ARHGAP44: variants seen among roughly 807,000 people sequenced by gnomAD.
The protein encoded by ARHGAP44 is rho GTPase-activating protein 44.
Under a neutral mutation model 106.8 loss-of-function variants are expected in ARHGAP44, and 43 were observed. That is an observed-to-expected ratio of 0.40 (90% CI 0.32 to 0.52). The LOEUF (loss-of-function observed/expected upper bound fraction) is 0.52, where lower values mean the gene tolerates loss of function less well. Ranked by LOEUF, ARHGAP44 falls within the 20% of genes least tolerant of loss-of-function variation. The pLI is 0.48. For missense variants in ARHGAP44, 866 were observed against 1,050.5 expected, an observed-to-expected ratio of 0.82 and a Z score of 2.43; for synonymous variants, 439 against 410.3, an observed-to-expected ratio of 1.07 and a Z score of -0.85.
At chr17:12,912,726 A>C (rs544306880) in intron 4 of ARHGAP44, among the ~76,000 whole-genome samples, 3 of 152,352 alleles carry the variant, frequency 2.0e-5, no homozygotes, top group Admixed American at 6.5e-5. Flanking sequence ...ACTGAGCAAA[A>C]GCAGCAATGG....
At chr17:12,900,846 G>A (rs1273924351) in intron 3 of ARHGAP44, among the ~76,000 whole-genome samples, 1 of 151,620 alleles carries the variant, frequency 6.6e-6, no homozygotes, top group African/African-American at 2.4e-5. Context: ...GCACCAAAAG[G>A]GGTAAACACA....
At chr17:12,878,276 T>G (rs1292763641) in intron 1 of ARHGAP44, among the ~76,000 whole-genome samples, 1 of 152,072 alleles carries the variant, frequency 6.6e-6, no homozygotes, top group Non-Finnish European at 1.5e-5. Context: ...TGGAACAAAT[T>G]TTGGGAAACG....
chr17:12,943,156 C>T (rs975220574), intron 8 of ARHGAP44, among the ~76,000 whole-genome samples: 1 of 152,212 alleles, frequency 6.6e-6, no homozygotes, highest in African/African-American at 2.4e-5. Context: ...ATCCTCCAGC[C>T]TCAGTCTCCT....
chr17:12,966,908 A>T (rs11078102), intron 16 of ARHGAP44, among the ~76,000 whole-genome samples: 15,639 of 152,230 alleles, frequency 0.1, 913 homozygotes, highest in South Asian at 0.2. Flanking sequence ...TGCTAACCCC[A>T]GACAACTCAG....
chr17:12,956,863 A>G (rs2039139883), intron 15 of ARHGAP44, 117 bp downstream of exon 15: 3 of 684,752 alleles, frequency 4.4e-6, no homozygotes, highest in South Asian at 3.4e-5. Flanking sequence ...TGATTCCCCT[A>G]TAAACACACA....
Position 12,903,837 on chromosome 17 carries a change from G to T in ARHGAP44, c.199-5060G>T, listed in dbSNP as rs1052070985. Among the ~76,000 whole-genome samples the T allele has an allele frequency of 3.7e-4, 56 of 152,090 alleles. 1 individual carries two copies. The highest frequency in any genetic ancestry group is 1.2e-3 in the African/African-American group (50 of 41,416). On this transcript the variant is annotated intron_variant, in intron 3 of 20. Transcript: ENST00000379672. ...GGATATCATTATACTTGAAATGGGG[G>T]CGACCAAAGTTTGAGGGAGAGAGCA...
At chr17:12,883,834 A>T (rs889125709) in intron 1 of ARHGAP44, among the ~76,000 whole-genome samples, 8 of 152,224 alleles carry the variant, frequency 5.3e-5, no homozygotes. Context: ...TATCCTTTTC[A>T]AATCCTCTAT....
intron 1 of ARHGAP44, among the ~76,000 whole-genome samples, chr17:12,880,687 C>A (rs1340091360): frequency 2.3e-5 from 1 of 42,652 alleles, no homozygotes; most frequent in Non-Finnish European, 7.8e-5. Context: ...GTAGTGAAAT[C>A]AACTAGTGGT....
rs779111120 is a variant in ARHGAP44, at chr17:12,984,875, G to C, written c.2284G>C (p.Asp762His). 6.8e-6 allele frequency: 11 copies of C among 1,613,550 alleles called. No individual in the cohort carries two copies. The Admixed American group carries it at 1.8e-4, about 27-fold the overall frequency. The stretch of plus-strand genomic sequence containing the variant: ...ACAGTCCACGGAGGCCCCCATGCTA[G>C]ATGGCATGTCCCCTGGGGAAAGCAT... ...SPQSTEAPML[D>H]GMSPGESMST... Residue 762 changes from aspartate to histidine, a missense_variant, in exon 20 of 21, where the codon GAT (aspartate) becomes CAT (histidine). Physicochemically the swap from Asp to His is moderately conservative, Grantham distance 81. Around this residue, in one of 2 missense-constraint regions of ARHGAP44, gnomAD observed 418 missense variants for 403.6 expected, o/e 1.04. Transcript: ENST00000379672.
chr17:12,853,442 G>C (rs1201122764), intron 1 of ARHGAP44, among the ~76,000 whole-genome samples: 2 of 152,170 alleles, frequency 1.3e-5, no homozygotes, highest in Non-Finnish European at 2.9e-5. Flanking sequence ...TGTACTGCTA[G>C]AGTAGAGTGG....
chr17:12,903,126 G>GT (rs57334058), intron 3 of ARHGAP44, among the ~76,000 whole-genome samples: 1 of 70,764 alleles, frequency 1.4e-5, no homozygotes, highest in African/African-American at 6.4e-5. Context: ...GAGAGAGAGA[G>GT]GAGAGAGAGA....
chr17:12,925,315 T>A (rs898346964), intron 6 of ARHGAP44, among the ~76,000 whole-genome samples: 1 of 152,164 alleles, frequency 6.6e-6, no homozygotes, highest in East Asian at 1.9e-4. Context: ...GGCCCTCACC[T>A]GGGCCACTCA....
chr17:12,965,199 A>G (rs946153228), intron 16 of ARHGAP44, among the ~76,000 whole-genome samples: 12 of 152,284 alleles, frequency 7.9e-5, no homozygotes, highest in South Asian at 6.2e-4. Flanking sequence ...ACGGAGATCC[A>G]GCTACCTCAG....
At chr17:12,950,489 G>A (rs1567704512) in intron 12 of ARHGAP44, among the ~76,000 whole-genome samples, 1 of 152,208 alleles carries the variant, frequency 6.6e-6, no homozygotes, top group African/African-American at 2.4e-5. Flanking sequence ...CAGCCCTGAT[G>A]CATGCTCTGG....
intron 16 of ARHGAP44, among the ~76,000 whole-genome samples, chr17:12,966,777 A>G (rs1474404927): frequency 6.6e-6 from 1 of 152,112 alleles, no homozygotes; most frequent in Admixed American, 6.5e-5. Flanking sequence ...AAACCTTCCA[A>G]ATCTCTATAG....
At chr17:12,909,073 T>G in intron 4 of ARHGAP44, 100 bp downstream of exon 4, 3 of 1,046,176 alleles carry the variant, frequency 2.9e-6, no homozygotes, top group Non-Finnish European at 4.1e-6. Context: ...GAATTCTCAC[T>G]GGGGACTTTA....
chr17:12,890,928 G>T (rs1485127415), intron 1 of ARHGAP44, among the ~76,000 whole-genome samples: 2 of 152,084 alleles, frequency 1.3e-5, no homozygotes, highest in Non-Finnish European at 2.9e-5. Context: ...AAACCCTTGG[G>T]GATGGACATA....
intron 16 of ARHGAP44, among the ~76,000 whole-genome samples, chr17:12,971,591 G>A (rs937414242): frequency 2.6e-5 from 4 of 152,038 alleles, no homozygotes; most frequent in African/African-American, 2.4e-5. Flanking sequence ...GATGATCTTC[G>A]GCAGCCCGCT....
intron 7 of ARHGAP44, among the ~76,000 whole-genome samples, chr17:12,937,343 T>C (rs1287867641): frequency 6.6e-6 from 1 of 152,248 alleles, no homozygotes; most frequent in African/African-American, 2.4e-5. Flanking sequence ...CAGGAGAGGA[T>C]TTTTCTCTGA....
Sources: gnomAD v4.1 joint callset for allele counts (sites outside exome capture counted in the v4.1 genomes callset) on GRCh38, gnomAD v4.1.1 for gene constraint, gnomAD v4.1.1 regional missense constraint, MANE v1.5 for transcripts, NCBI Gene and HGNC (gene_info 2026-07-23, HGNC 2026-07-21) for gene names.